The following XRN2 variants were observed in gnomAD, a reference collection of about 807,000 sequenced individuals.
XRN2 encodes the protein 5'-3' exoribonuclease 2.
XRN2 carries 44 observed loss-of-function variants against 138.5 expected under a neutral mutation model. The ratio of observed to expected loss-of-function variants is 0.32; its 90% CI spans 0.25 to 0.41. XRN2 has a LOEUF of 0.41. Ranked by LOEUF, XRN2 falls within the 10% of genes least tolerant of loss-of-function variation. The probability of loss-of-function intolerance (pLI) is 1.00; values close to 1 mark genes in which losing one functional copy is unlikely to be tolerated. For synonymous variants in XRN2, 354 were observed against 369.4 expected (o/e 0.96, Z 0.48); for missense variants, 937 against 1,169.3 (o/e 0.80, Z 2.90).
At position 21,340,037 on chromosome 20, in the gene XRN2, C is replaced by T. The variant is rs927948799; in HGVS notation, c.1279-684C>T. On this transcript the variant is annotated intron_variant, in intron 14 of 29. Transcript: ENST00000377191. The stretch of plus-strand genomic sequence containing the variant: ...TTATTATTTTTGTCAGTATCTTAGT[C>T]AGCCAAGACTATCACCTATGTTAGC... Among the ~76,000 whole-genome samples, 4 of 152,078 alleles carry T rather than the reference C, an allele frequency of 2.6e-5. No homozygotes were observed. The South Asian group carries it at 8.3e-4, about 31-fold the overall frequency.
intron 15 of XRN2, among the ~76,000 whole-genome samples, chr20:21,342,548 G>A (rs2038385750): frequency 6.6e-6 from 1 of 152,132 alleles, no homozygotes; most frequent in African/African-American, 2.4e-5. Context: ...TTTTGTTAAA[G>A]TTTGCTTTTT....
chr20:21,367,272 C>T (rs1180809986), intron 26 of XRN2, among the ~76,000 whole-genome samples: 1 of 152,120 alleles, frequency 6.6e-6, no homozygotes, highest in African/African-American at 2.4e-5. Context: ...TAAACAATAA[C>T]AGGTAAAGCT....
intron 20 of XRN2, 102 bp from the exon 21 acceptor site, chr20:21,354,687 C>T (rs2038554749): frequency 9.4e-7 from 1 of 1,059,710 alleles, no homozygotes; most frequent in Admixed American, 2.1e-5. Context: ...GTTTTTGTAT[C>T]AGCAAGGAAA....
chr20:21,351,005 T>G (rs1488211793), intron 20 of XRN2, among the ~76,000 whole-genome samples: 2 of 152,176 alleles, frequency 1.3e-5, no homozygotes, highest in East Asian at 3.8e-4. Flanking sequence ...CATGGGACAG[T>G]GAGGGATGTA....
At chr20:21,374,080 TTGA>T (rs1432552264) in intron 27 of XRN2, among the ~76,000 whole-genome samples, 1 of 152,210 alleles carries the variant, frequency 6.6e-6, no homozygotes, top group Non-Finnish European at 1.5e-5. Context: ...TACTATATAA[TTGA>T]TGTGTTTTGA....
intron 21 of XRN2, 59 bp downstream of exon 21, chr20:21,354,931 T>C (rs1289793007): frequency 7.3e-7 from 1 of 1,375,098 alleles, no homozygotes; most frequent in Admixed American, 2.0e-5. Context: ...TATATTTCTG[T>C]ATAAAATTAG....
At chr20:21,315,974 C>T (rs531237226) in intron 1 of XRN2, among the ~76,000 whole-genome samples, 3 of 152,172 alleles carry the variant, frequency 2.0e-5, no homozygotes, top group South Asian at 2.1e-4. Context: ...AAATTTTGTC[C>T]GGTTGTGGTG....
chr20:21,355,651 T>G (rs996418321), intron 21 of XRN2, among the ~76,000 whole-genome samples: 2 of 152,112 alleles, frequency 1.3e-5, no homozygotes, highest in Admixed American at 1.3e-4. Flanking sequence ...TTAAAATATT[T>G]TTTTCCCCAT....
chr20:21,362,094 A>C (rs963189727), intron 24 of XRN2, among the ~76,000 whole-genome samples: 2 of 152,156 alleles, frequency 1.3e-5, no homozygotes, highest in African/African-American at 4.8e-5. Context: ...TTAAGTGTGT[A>C]GATCCTTTTG....
At chr20:21,331,882 T>G (rs1316270932) in intron 8 of XRN2, 64 bp downstream of exon 8, 1 of 1,556,900 alleles carries the variant, frequency 6.4e-7, no homozygotes, top group Admixed American at 1.8e-5. Flanking sequence ...TGGGTTGGTG[T>G]GCAGTAATGG....
At chr20:21,377,558 T>A (rs1189655992) in intron 27 of XRN2, among the ~76,000 whole-genome samples, 2 of 5,126 alleles carry the variant, frequency 3.9e-4, no homozygotes, top group African/African-American at 1.9e-3. Flanking sequence ...ACGTCCGGCC[T>A]GTGTTTTTTT....
At chr20:21,327,486 C>T (rs1389417363) in intron 3 of XRN2, among the ~76,000 whole-genome samples, 2 of 152,136 alleles carry the variant, frequency 1.3e-5, no homozygotes, top group African/African-American at 4.8e-5. Flanking sequence ...ATTCGTCTTA[C>T]TCAGTGAAAA....
intron 14 of XRN2, among the ~76,000 whole-genome samples, chr20:21,339,519 G>A (rs1308819507): frequency 6.6e-6 from 1 of 152,188 alleles, no homozygotes; most frequent in Non-Finnish European, 1.5e-5. Context: ...ATCCAATTCT[G>A]TCTTAGTTTG....
In XRN2 at chr20:21,334,135, G is replaced by A; in HGVS notation, c.1183G>A (p.Ala395Thr). The A allele has an allele frequency of 6.2e-7, 1 of 1,613,972 alleles. No individual in the cohort carries two copies. ...NLQRVQMIML[A>T]VGEVEDSIFK... ...GCAAAGAGTACAGATGATCATGTTAGCAGTTGGTGAAGTTGAGGATAGCAT... is the reference window on the plus strand; with the variant it reads ...GCAAAGAGTACAGATGATCATGTTAACAGTTGGTGAAGTTGAGGATAGCAT... The change falls in exon 13 of 30, where the codon GCA becomes ACA. Residue 395 changes from alanine (A) to threonine (T), a missense_variant. This residue lies in a region of XRN2 where 471 missense variants were observed against 581.2 expected (regional missense o/e 0.81). Coordinates refer to ENST00000377191, the MANE Select transcript of XRN2 (RefSeq NM_012255.5).
At chr20:21,328,439 T>C in intron 3 of XRN2, 120 bp from the exon 4 acceptor site, 1 of 963,214 alleles carries the variant, frequency 1.0e-6, no homozygotes, top group Non-Finnish European at 1.5e-6. Context: ...ATTAGACACA[T>C]TACTTACCTT....
chr20:21,310,938 G>T (rs914274943), intron 1 of XRN2, among the ~76,000 whole-genome samples: 1 of 151,678 alleles, frequency 6.6e-6, no homozygotes, highest in African/African-American at 2.4e-5. Context: ...TAGTAGAGAT[G>T]GGGTTTCATT....
chr20:21,365,506 A>G lies in XRN2; in HGVS notation c.2324+17A>G. ...AGGAGCAAGGTAACAACAGTAAATT[A>G]CCTAGATTTATTTTGTACAAATGGT... is the stretch of plus-strand genomic sequence containing the variant. On this transcript the variant is annotated intron_variant, in intron 25 of 29. Coordinates refer to ENST00000377191, the MANE Select transcript of XRN2 (RefSeq NM_012255.5). 6.2e-7 allele frequency: 1 copy of G among 1,613,824 alleles called. No homozygotes were observed. The highest frequency in any genetic ancestry group is 8.5e-7 in the Non-Finnish European group (1 of 1,179,934).
Position 21,331,587 on chromosome 20 carries a change from T to TG in XRN2, c.605dup (p.Glu203Ter). On this transcript the variant is annotated frameshift_variant, in exon 7 of 30. Transcript: ENST00000377191. LOFTEE classifies it high-confidence loss of function. ...TTATTTTATCTGATGCTAGTGCTCC[T>TG]GGTGAAGGAGAACATAAAATCATGG... 1 of 1,612,584 alleles carries TG rather than the reference T, an allele frequency of 6.2e-7. No homozygotes were observed. Among genetic ancestry groups the TG allele is most frequent in the Non-Finnish European group, 8.5e-7 (1 of 1,179,770 alleles).
chr20:21,304,580 C>G (rs1483117344), intron 1 of XRN2, among the ~76,000 whole-genome samples: 1 of 152,132 alleles, frequency 6.6e-6, no homozygotes, highest in Non-Finnish European at 1.5e-5. Context: ...CCACCTTTAA[C>G]TGTTTTGGTT....
Sources: gnomAD v4.1 joint callset for allele counts (sites outside exome capture counted in the v4.1 genomes callset) on GRCh38, gnomAD v4.1.1 for gene constraint, gnomAD v4.1.1 regional missense constraint, MANE v1.5 for transcripts, NCBI Gene and HGNC (gene_info 2026-07-23, HGNC 2026-07-21) for gene names.